Variants in SLC24A4 observed in about 807,000 individuals in gnomAD.
SLC24A4 encodes solute carrier family 24 member 4.
In SLC24A4, 53 loss-of-function variants were observed where a neutral mutation model predicts 79.0. The ratio of observed to expected loss-of-function variants is 0.67; its 90% CI spans 0.54 to 0.84. The LOEUF (loss-of-function observed/expected upper bound fraction) is 0.84, where lower values mean the gene tolerates loss of function less well. Ranked by LOEUF, SLC24A4 falls within the 40% of genes least tolerant of loss-of-function variation. SLC24A4 has a pLI of 0.00. For synonymous variants in SLC24A4, 323 were observed against 323.8 expected (o/e 1.00, Z 0.03); for missense variants, 731 against 822.0 (o/e 0.89, Z 1.35).
intron 16 of SLC24A4, chr14:92,492,678 C>A: frequency 2.7e-6 from 1 of 370,318 alleles, no homozygotes. Context: ...TTACAACCAC[C>A]TGATGAGGGA....
chr14:92,481,410 TA>T (rs1442027829), intron 12 of SLC24A4, among the ~76,000 whole-genome samples: 2 of 152,204 alleles, frequency 1.3e-5, no homozygotes, highest in Admixed American at 1.3e-4. Flanking sequence ...CACCTCCAAG[TA>T]AAAAGCTATT....
intron 2 of SLC24A4, among the ~76,000 whole-genome samples, chr14:92,388,383 G>C (rs2141728377): frequency 6.6e-6 from 1 of 152,334 alleles, no homozygotes; most frequent in South Asian, 2.1e-4. Flanking sequence ...CTGGGAGTGA[G>C]GTCTGTGGTT....
intron 2 of SLC24A4, among the ~76,000 whole-genome samples, chr14:92,360,891 C>T (rs1887470406): frequency 6.6e-6 from 1 of 152,226 alleles, no homozygotes; most frequent in Non-Finnish European, 1.5e-5. Flanking sequence ...TCTTGAATGC[C>T]TAATTTGGCT....
intron 2 of SLC24A4, among the ~76,000 whole-genome samples, chr14:92,397,269 C>T (rs1191661967): frequency 1.3e-5 from 2 of 152,190 alleles, no homozygotes; most frequent in Non-Finnish European, 2.9e-5. Flanking sequence ...AAATTAGCCT[C>T]CTTCTGTCCC....
In SLC24A4 at chr14:92,323,980, C is replaced by G. The variant is rs773728616; in HGVS notation, c.130+20C>G. On this transcript the variant is annotated intron_variant, in intron 1 of 16. Transcript: ENST00000532405. This position sits in a 1 kb window ranked among gnomAD's most constrained non-coding sequence, Gnocchi z 4.9. Reference sequence around the variant, plus strand: ...GCTTGGGTGGGTGCTGGTACGGGTCCCCTCTTCCTGGGGAGTTGGGGGCTT... The same window carrying G: ...GCTTGGGTGGGTGCTGGTACGGGTCGCCTCTTCCTGGGGAGTTGGGGGCTT... 1.9e-6 allele frequency: 3 copies of G among 1,605,762 alleles called. No individual in the cohort carries two copies. In the South Asian group the frequency reaches 3.3e-5, roughly 18 times the overall value.
chr14:92,424,437 G>C (rs1219901533), intron 2 of SLC24A4, among the ~76,000 whole-genome samples: 1 of 152,130 alleles, frequency 6.6e-6, no homozygotes, highest in Non-Finnish European at 1.5e-5. Flanking sequence ...GTTCAAGAGT[G>C]GGTATCTGCC....
chr14:92,468,632 G>C (rs1048970501), intron 12 of SLC24A4, among the ~76,000 whole-genome samples: 3 of 152,148 alleles, frequency 2.0e-5, no homozygotes, highest in Non-Finnish European at 4.4e-5. Context: ...CTTTTGACAA[G>C]GGTAATGACA....
At chr14:92,429,015 T>C (rs552925218) in intron 2 of SLC24A4, among the ~76,000 whole-genome samples, 1 of 152,256 alleles carries the variant, frequency 6.6e-6, no homozygotes, top group South Asian at 2.1e-4. Flanking sequence ...GCACACCAGA[T>C]AGGGATGTGT....
At position 92,400,437 on chromosome 14, in the gene SLC24A4, C is replaced by CAA. The variant is rs35343108; in HGVS notation, c.242-33455_242-33454dup. 5.4e-3 allele frequency among the ~76,000 whole-genome samples: 430 copies of CAA among 79,184 alleles called. 6 individuals are homozygous for CAA. Among genetic ancestry groups the CAA allele is most frequent in the African/African-American group, 0.015 (302 of 20,668 alleles). The allele number at this position is 79,184 out of a possible 152,430, so 51.9% of individuals were successfully genotyped here. On this transcript the variant is annotated intron_variant, in intron 2 of 16. Coordinates refer to ENST00000532405, the MANE Select transcript of SLC24A4 (RefSeq NM_153646.4). ...CTGGCGACAGAGCGAGACTCCATCT[C>CAA]AAAAAAAAAAAAAAAAAAAAAGAGT...
chr14:92,341,286 C>T (rs761130423), intron 2 of SLC24A4, among the ~76,000 whole-genome samples: 2 of 152,082 alleles, frequency 1.3e-5, no homozygotes, highest in Non-Finnish European at 2.9e-5. Flanking sequence ...ACCCTGGGGA[C>T]GTGAACAATA....
chr14:92,367,169 G>A (rs1482397258), intron 2 of SLC24A4, among the ~76,000 whole-genome samples: 1 of 152,202 alleles, frequency 6.6e-6, no homozygotes, highest in Non-Finnish European at 1.5e-5. Flanking sequence ...GCTGGGAAAT[G>A]TCCTTTAATA....
chr14:92,456,971 C>CT lies in SLC24A4; in HGVS notation c.1255+363_1255+364insT, dbSNP rs558399043. 7.3e-4 allele frequency among the ~76,000 whole-genome samples: 111 copies of CT among 152,336 alleles called. No individual in the cohort carries two copies. The South Asian group carries it at 9.9e-3, about 14-fold the overall frequency. ...AGTGTTATTTTTAGGGACATTCTTGCACTCTCTTGGCCCTTGCAGCAGGCC... is the reference window on the plus strand; with the variant it reads ...AGTGTTATTTTTAGGGACATTCTTGCTACTCTCTTGGCCCTTGCAGCAGGCC... On this transcript the variant is annotated intron_variant, in intron 12 of 16. Transcript: ENST00000532405.
At chr14:92,331,126 T>C (rs1364331974) in intron 2 of SLC24A4, among the ~76,000 whole-genome samples, 4 of 152,134 alleles carry the variant, frequency 2.6e-5, no homozygotes, top group African/African-American at 4.8e-5. Context: ...CTGGGAACCA[T>C]ACTGTTTCTG....
intron 12 of SLC24A4, among the ~76,000 whole-genome samples, chr14:92,465,421 T>G (rs1486472239): frequency 1.3e-5 from 2 of 152,188 alleles, no homozygotes; most frequent in African/African-American, 4.8e-5. Context: ...GAGCTGGTGC[T>G]TCAACCCTGA....
chr14:92,448,764 G>C (rs1311433100), intron 9 of SLC24A4, among the ~76,000 whole-genome samples: 1 of 152,160 alleles, frequency 6.6e-6, no homozygotes, highest in Admixed American at 6.5e-5. Context: ...AGGCGAGGCC[G>C]AGCTTCCTTT....
intron 2 of SLC24A4, among the ~76,000 whole-genome samples, chr14:92,393,650 C>T (rs1354792419): frequency 6.7e-6 from 1 of 149,580 alleles, no homozygotes; most frequent in South Asian, 2.1e-4. Context: ...CTCAAGTGAT[C>T]CTCCCACCTC....
At chr14:92,386,434 A>G (rs747413108) in intron 2 of SLC24A4, among the ~76,000 whole-genome samples, 4 of 152,008 alleles carry the variant, frequency 2.6e-5, no homozygotes, top group Non-Finnish European at 5.9e-5. Flanking sequence ...TGCATTCTCC[A>G]TTTTCCCTGG....
intron 12 of SLC24A4, among the ~76,000 whole-genome samples, chr14:92,482,327 CCT>C (rs1895108245): frequency 6.6e-6 from 1 of 152,182 alleles, no homozygotes; most frequent in African/African-American, 2.4e-5. Context: ...TTCTCAAGGT[CCT>C]TTGACTTCCA....
At chr14:92,400,687 A>G (rs1033608687) in intron 2 of SLC24A4, among the ~76,000 whole-genome samples, 2 of 152,146 alleles carry the variant, frequency 1.3e-5, no homozygotes, top group African/African-American at 4.8e-5. Flanking sequence ...AGATGAGACC[A>G]TGTCGTAATT....
Sources: gnomAD v4.1 joint callset for allele counts (sites outside exome capture counted in the v4.1 genomes callset) on GRCh38, gnomAD v4.1.1 for gene constraint, Gnocchi (gnomAD v3.1) non-coding constraint, MANE v1.5 for transcripts, NCBI Gene and HGNC (gene_info 2026-07-23, HGNC 2026-07-21) for gene names.